Variants in ENOX2 observed in about 807,000 individuals in gnomAD.
ENOX2 encodes ecto-NOX disulfide-thiol exchanger 2, also known as APK1 antigen.
Under a neutral mutation model 45.0 loss-of-function variants are expected in ENOX2, and 36 were observed. The observed-to-expected ratio is 0.80, with a 90% CI of 0.61 to 1.06. ENOX2 has a LOEUF of 1.06. Ranked by LOEUF, ENOX2 falls within the 50% of genes least tolerant of loss-of-function variation. ENOX2 has a pLI of 0.00. For missense variants in ENOX2, 423 were observed against 462.5 expected (o/e 0.91, Z 0.78); for synonymous variants, 174 against 152.3 (o/e 1.14, Z -1.05).
chrX:130,822,952 T>TA (rs2077646229), intron 2 of ENOX2, among the ~76,000 whole-genome samples: 1 of 112,007 alleles, frequency 8.9e-6, no homozygotes, highest in Admixed American at 9.5e-5. Context: ...ATTTTTAACT[T>TA]ACAATATTTT....
rs943722824 is a variant in ENOX2 at position 130,882,790 on chromosome X, CG to C, written c.-183+18893del. On this transcript the variant is annotated intron_variant, in intron 2 of 14. Transcript: ENST00000394363. ...GTCATGAACAATGGGATATCTGCTC[CG>C]GGTAGCACACAGGTGGGCAAACAGT... is the stretch of plus-strand genomic sequence containing the variant. Among the ~76,000 whole-genome samples the C allele has an allele frequency of 1.3e-4, 15 of 111,736 alleles. 1 individual carries two copies. The highest frequency in any genetic ancestry group is 4.9e-4 in the African/African-American group (15 of 30,721).
intron 3 of ENOX2, among the ~76,000 whole-genome samples, chrX:130,768,670 A>G (rs192203507): frequency 8.9e-5 from 10 of 112,097 alleles, no homozygotes; most frequent in Admixed American, 2.8e-4. Flanking sequence ...AAACTGAAAG[A>G]CTTGAGCACC....
chrX:130,900,469 A>G (rs2079127422), intron 2 of ENOX2, among the ~76,000 whole-genome samples: 1 of 112,221 alleles, frequency 8.9e-6, no homozygotes, highest in Admixed American at 9.4e-5. Context: ...TAGGATTGCA[A>G]TCAAGGTTCT....
intron 2 of ENOX2, among the ~76,000 whole-genome samples, chrX:130,878,687 CT>C (rs2078750946): frequency 8.9e-6 from 1 of 111,827 alleles, no homozygotes; most frequent in African/African-American, 3.3e-5. Context: ...TGGGCATAGT[CT>C]TACTACCAAT....
At chrX:130,727,298 TA>T (rs1349455278) in intron 3 of ENOX2, among the ~76,000 whole-genome samples, 6 of 112,100 alleles carry the variant, frequency 5.4e-5, no homozygotes, top group African/African-American at 1.9e-4. Flanking sequence ...TCAGAAATAG[TA>T]AAAGATGGGG....
intron 3 of ENOX2, among the ~76,000 whole-genome samples, chrX:130,771,338 C>A (rs968036171): frequency 3.7e-4 from 41 of 112,181 alleles, no homozygotes; most frequent in African/African-American, 1.3e-3. Context: ...GGAAGGAGTT[C>A]TGAGTCCCAG....
chrX:130,630,306 T>G (rs750992880), intron 13 of ENOX2, among the ~76,000 whole-genome samples: 10 of 110,986 alleles, frequency 9.0e-5, no homozygotes, highest in Non-Finnish European at 1.9e-4. Context: ...CCTAAAACCT[T>G]TGGAATTTCT....
chrX:130,763,828 T>C (rs1473834615), intron 3 of ENOX2, among the ~76,000 whole-genome samples: 1 of 111,221 alleles, frequency 9.0e-6, no homozygotes, highest in Non-Finnish European at 1.9e-5. Flanking sequence ...TAGAAATCTA[T>C]GCTCCCTACT....
intron 3 of ENOX2, among the ~76,000 whole-genome samples, chrX:130,760,691 T>A (rs1327702461): frequency 1.0e-5 from 1 of 98,956 alleles, no homozygotes; most frequent in African/African-American, 3.8e-5. Flanking sequence ...GAGCCTGAGG[T>A]GGAAGAATAG....
chrX:130,705,777 C>T (rs758778631), intron 3 of ENOX2, among the ~76,000 whole-genome samples: 9 of 111,658 alleles, frequency 8.1e-5, no homozygotes, highest in Non-Finnish European at 3.8e-5. Flanking sequence ...CTTGGAAGTT[C>T]ATGTGTTTGC....
intron 2 of ENOX2, among the ~76,000 whole-genome samples, chrX:130,791,231 C>G (rs1366311062): frequency 9.0e-6 from 1 of 111,530 alleles, no homozygotes; most frequent in African/African-American, 3.3e-5. Context: ...TTTGGGTATT[C>G]TGTCTTAGCC....
intron 2 of ENOX2, among the ~76,000 whole-genome samples, chrX:130,812,993 T>G (rs2077417653): frequency 8.9e-6 from 1 of 112,237 alleles, no homozygotes; most frequent in African/African-American, 3.2e-5. Context: ...CAAAATTTTT[T>G]GAGCAGTGAC....
chrX:130,786,469 T>C (rs1341143786), intron 2 of ENOX2, among the ~76,000 whole-genome samples: 1 of 102,552 alleles, frequency 9.8e-6, no homozygotes, highest in Non-Finnish European at 2.0e-5. Context: ...TAGTTACATA[T>C]GTATACATGT....
intron 5 of ENOX2, among the ~76,000 whole-genome samples, chrX:130,687,402 T>C (rs1475263155): frequency 6.2e-5 from 7 of 112,665 alleles, no homozygotes; most frequent in Non-Finnish European, 1.3e-4. Context: ...CCTAAGTTCA[T>C]GGCTTTTTGT....
intron 3 of ENOX2, among the ~76,000 whole-genome samples, chrX:130,711,309 A>T (rs763168379): frequency 8.9e-6 from 1 of 111,913 alleles, no homozygotes; most frequent in East Asian, 2.8e-4. Context: ...TTGTTTGTGA[A>T]CAATGCACTG....
chrX:130,704,048 C>T (rs981588490), intron 3 of ENOX2, among the ~76,000 whole-genome samples: 9 of 111,678 alleles, frequency 8.1e-5, no homozygotes, highest in African/African-American at 2.0e-4. Context: ...ATTTATATCT[C>T]CATTTAATAG....
In ENOX2 at chrX:130,866,189, T is replaced by G. The variant is rs767353738; in HGVS notation, c.-183+35495A>C. Among the ~76,000 whole-genome samples the G allele has an allele frequency of 6.3e-5, 7 of 111,597 alleles. No individual in the cohort carries two copies. The East Asian group carries it at 2.0e-3, about 31-fold the overall frequency. ...CTTTTCCTAATCAATCAAGTCCTAT[T>G]CATTATACCATTAAAATATCTCTCA... On this transcript the variant is annotated intron_variant, in intron 2 of 14. Coordinates refer to ENST00000394363, the MANE Select transcript of ENOX2 (RefSeq NM_006375.4).
chrX:130,631,559 C>G lies in ENOX2; in HGVS notation c.1437G>C (p.Arg479Ser). 8.5e-7 allele frequency: 1 copy of G among 1,183,367 alleles called. No homozygotes were observed. The highest frequency in any genetic ancestry group is 3.0e-5 in the East Asian group (1 of 33,735). ...NLKEKESCAS[R>S]LCASNQDSEY... Reference sequence around the variant, plus strand: ...CGCTATCCTGGTTTGAGGCACACAGCCTAGAAGCACAGCTTTCCTGTGGAC... The same window carrying G: ...CGCTATCCTGGTTTGAGGCACACAGGCTAGAAGCACAGCTTTCCTGTGGAC... Residue 479 changes from arginine (R) to serine (S), a missense_variant, in exon 13 of 15, where the codon AGG becomes AGC. Coordinates refer to ENST00000394363, the MANE Select transcript of ENOX2 (RefSeq NM_006375.4).
At chrX:130,638,213 C>T (rs2035985010) in intron 10 of ENOX2, among the ~76,000 whole-genome samples, 1 of 109,064 alleles carries the variant, frequency 9.2e-6, no homozygotes, top group South Asian at 4.1e-4. Flanking sequence ...GGACTACAGG[C>T]GGCCACACCA....
Sources: gnomAD v4.1 joint callset for allele counts (sites outside exome capture counted in the v4.1 genomes callset) on GRCh38, gnomAD v4.1.1 for gene constraint, MANE v1.5 for transcripts, NCBI Gene and HGNC (gene_info 2026-07-23, HGNC 2026-07-21) for gene names.